Variants in PTPRJ observed in about 807,000 individuals in gnomAD.
PTPRJ encodes protein tyrosine phosphatase receptor type J, also known as receptor-type tyrosine-protein phosphatase eta.
A neutral mutation model predicts 141.3 loss-of-function variants in PTPRJ; 129 were observed. The ratio of observed to expected loss-of-function variants is 0.91; its 90% CI spans 0.79 to 1.06. The LOEUF is 1.06. PTPRJ is among the 50% of genes least tolerant of loss of function. The pLI is 0.00. For missense variants in PTPRJ, 1,601 were observed against 1,679.7 expected (o/e 0.95, Z 0.82); for synonymous variants, 610 against 640.5 (o/e 0.95, Z 0.72).
At chr11:48,143,099 C>G (rs1189635638) in intron 12 of PTPRJ, 49 bp downstream of exon 12, 2 of 1,603,036 alleles carry the variant, frequency 1.2e-6, no homozygotes, top group Admixed American at 3.4e-5. Context: ...GATGCAGTGA[C>G]CAGAGCTTTC....
At chr11:48,088,874 C>T (rs1005156557) in intron 1 of PTPRJ, among the ~76,000 whole-genome samples, 1 of 152,152 alleles carries the variant, frequency 6.6e-6, no homozygotes, top group Non-Finnish European at 1.5e-5. Flanking sequence ...ACTCTCCACC[C>T]TGCTGTGCCA....
intron 14 of PTPRJ, among the ~76,000 whole-genome samples, chr11:48,146,058 C>T (rs1214445653): frequency 6.6e-6 from 1 of 152,120 alleles, no homozygotes; most frequent in East Asian, 1.9e-4. Flanking sequence ...CCAGGCTGGT[C>T]CTGAACTCCT....
chr11:48,144,489 G>C (rs1471301868), intron 12 of PTPRJ, among the ~76,000 whole-genome samples, 186 bp from the exon 13 acceptor site: 1 of 152,170 alleles, frequency 6.6e-6, no homozygotes, highest in African/African-American at 2.4e-5. Flanking sequence ...GGGATTCATG[G>C]GGATGAAGTG....
chr11:48,135,958 G>C (rs974003772), intron 8 of PTPRJ, 81 bp from the exon 9 acceptor site: 65 of 1,490,508 alleles, frequency 4.4e-5, no homozygotes, highest in Middle Eastern at 2.5e-4. Flanking sequence ...AAAAGAGCAG[G>C]TCCTCTCGAC....
chr11:48,136,069 T>C lies in PTPRJ; in HGVS notation c.1646T>C (p.Val549Ala). The C allele has an allele frequency of 6.2e-7, 1 of 1,614,230 alleles. No homozygotes were observed. The highest frequency in any genetic ancestry group is 1.3e-5 in the African/African-American group (1 of 75,068). ...VPSAVFDIHV[V>A]YVTTTEMWLD... ...AGTGCAGTGTTTGACATCCACGTGG[T>C]CTACGTCACCACCACGGAGATGTGG... Residue 549 changes from valine to alanine, a missense_variant, in exon 9 of 25, where the codon GTC becomes GCC. Physicochemically the swap from Val to Ala is moderately conservative, Grantham distance 64 (BLOSUM62 0). Transcript: ENST00000418331.
chr11:48,024,608 G>A (rs1301698500), intron 1 of PTPRJ, among the ~76,000 whole-genome samples: 2 of 152,218 alleles, frequency 1.3e-5, no homozygotes, highest in Admixed American at 6.5e-5. Context: ...GTCCCAAGCA[G>A]CCGTTGCTAA....
chr11:48,053,955 G>A (rs1356369189), intron 1 of PTPRJ, among the ~76,000 whole-genome samples: 2 of 119,510 alleles, frequency 1.7e-5, no homozygotes, highest in Non-Finnish European at 3.3e-5. Flanking sequence ...TTTTTGAGAC[G>A]AAGTTTCACT....
At chr11:48,163,727 C>A in intron 23 of PTPRJ, 109 bp downstream of exon 23, 2 of 1,303,564 alleles carry the variant, frequency 1.5e-6, no homozygotes, top group Non-Finnish European at 2.1e-6. Context: ...TTTATGAATT[C>A]AGGAAAGGTT....
intron 12 of PTPRJ, 37 bp downstream of exon 12, chr11:48,143,087 G>A (rs1857273494): frequency 3.7e-6 from 6 of 1,610,648 alleles, no homozygotes; most frequent in African/African-American, 1.3e-5. Flanking sequence ...CAGCCCATGA[G>A]TGATGCAGTG....
chr11:48,011,283 G>A (rs1854776111), intron 1 of PTPRJ, among the ~76,000 whole-genome samples: 1 of 152,182 alleles, frequency 6.6e-6, no homozygotes, highest in Non-Finnish European at 1.5e-5. Flanking sequence ...CAGCAATAAT[G>A]TATGTGCACA....
At chr11:48,092,851 T>G (rs1855906770) in intron 1 of PTPRJ, among the ~76,000 whole-genome samples, 1 of 152,238 alleles carries the variant, frequency 6.6e-6, no homozygotes, top group Admixed American at 6.5e-5. Context: ...CTTGGCTTGT[T>G]TCCATGTCTT....
Position 48,155,853 on chromosome 11 carries a change from C to T in PTPRJ, c.3282C>T (p.Tyr1094=). 6.2e-7 allele frequency: 1 copy of T among 1,606,946 alleles called. No individual in the cohort carries two copies. The highest frequency in any genetic ancestry group is 8.5e-7 in the Non-Finnish European group (1 of 1,173,562). The part of the protein sequence containing the change: ...LSVQTHSTDD[Y]INANYMPGYH... Reference sequence around the variant, plus strand: ...TCCAGACCCATTCAACGGATGACTACATCAATGCCAACTACATGCCTGTAA... The same window carrying T: ...TCCAGACCCATTCAACGGATGACTATATCAATGCCAACTACATGCCTGTAA... The change falls in exon 20 of 25, where the codon TAC becomes TAT. Residue 1094 remains tyrosine, a synonymous_variant. Transcript: ENST00000418331.
chr11:48,017,913 A>G (rs1854992262), intron 1 of PTPRJ, among the ~76,000 whole-genome samples: 1 of 152,198 alleles, frequency 6.6e-6, no homozygotes, highest in African/African-American at 2.4e-5. Context: ...AAAACACTTT[A>G]TCAGCTGTAA....
chr11:48,137,598 T>C (rs1037369199), intron 10 of PTPRJ, among the ~76,000 whole-genome samples: 1 of 152,064 alleles, frequency 6.6e-6, no homozygotes, highest in Admixed American at 6.5e-5. Context: ...TGAGCAAAGA[T>C]CTGAATGAAG....
At chr11:47,985,545 A>G (rs1005031462) in intron 1 of PTPRJ, among the ~76,000 whole-genome samples, 1 of 152,186 alleles carries the variant, frequency 6.6e-6, no homozygotes, top group African/African-American at 2.4e-5. Context: ...ATAATTTACT[A>G]TAGATTCATT....
At chr11:48,166,415 G>A (rs1486901924) in intron 24 of PTPRJ, among the ~76,000 whole-genome samples, 3 of 151,568 alleles carry the variant, frequency 2.0e-5, no homozygotes, top group Non-Finnish European at 4.4e-5. Flanking sequence ...CTGGGTTCCA[G>A]CGATTCTCCT....
chr11:48,164,622 A>G, intron 24 of PTPRJ, 107 bp downstream of exon 24: 1 of 1,206,192 alleles, frequency 8.3e-7, no homozygotes, highest in East Asian at 2.8e-5. Flanking sequence ...GCTGGAGTGC[A>G]GTGGCATGAT....
At chr11:48,051,841 T>G (rs1052811053) in intron 1 of PTPRJ, among the ~76,000 whole-genome samples, 1 of 152,246 alleles carries the variant, frequency 6.6e-6, no homozygotes, top group Non-Finnish European at 1.5e-5. Flanking sequence ...GCTTCTTCTA[T>G]GACTTTGAGC....
chr11:47,993,965 G>A (rs973826927), intron 1 of PTPRJ, among the ~76,000 whole-genome samples: 1 of 151,230 alleles, frequency 6.6e-6, no homozygotes, highest in Non-Finnish European at 1.5e-5. Flanking sequence ...GGTTCAAGCA[G>A]TTCTCCTGCC....
Sources: allele counts gnomAD v4.1 joint callset (sites outside exome capture counted in the v4.1 genomes callset), GRCh38; gene constraint gnomAD v4.1.1; transcripts MANE v1.5; gene names NCBI Gene and HGNC (gene_info 2026-07-23, HGNC 2026-07-21).